Variants in EXOC6 observed in about 807,000 individuals in gnomAD.
EXOC6 encodes the protein exocyst complex component 6.
In EXOC6, 60 loss-of-function variants were observed where a neutral mutation model predicts 112.5. The ratio of observed to expected loss-of-function variants is 0.53; its 90% CI spans 0.43 to 0.66. The LOEUF (loss-of-function observed/expected upper bound fraction) is 0.66, where lower values mean the gene tolerates loss of function less well. Ranked by LOEUF, EXOC6 falls within the 30% of genes least tolerant of loss-of-function variation. The probability of loss-of-function intolerance (pLI) is 0.00; values close to 1 mark genes in which losing one functional copy is unlikely to be tolerated. For missense variants in EXOC6, 855 were observed against 957.1 expected, an observed-to-expected ratio of 0.89 and a Z score of 1.41; for synonymous variants, 295 against 308.0, an observed-to-expected ratio of 0.96 and a Z score of 0.44.
intron 12 of EXOC6, among the ~76,000 whole-genome samples, chr10:92,936,454 A>T (rs533392777): frequency 6.6e-6 from 1 of 152,356 alleles, no homozygotes; most frequent in South Asian, 2.1e-4. Flanking sequence ...GTGTTCTATG[A>T]GCAAATCACT....
intron 8 of EXOC6, among the ~76,000 whole-genome samples, chr10:92,920,751 A>G (rs1421853254): frequency 6.6e-6 from 1 of 151,900 alleles, no homozygotes; most frequent in African/African-American, 2.4e-5. Context: ...TTTTTTATTC[A>G]TGTATTTTTA....
chr10:93,028,843 A>AG (rs921876436), intron 20 of EXOC6, among the ~76,000 whole-genome samples: 4 of 151,942 alleles, frequency 2.6e-5, no homozygotes, highest in Non-Finnish European at 5.9e-5. Flanking sequence ...TCAAAAAAAA[A>AG]AAAAAAAAAA....
At chr10:93,030,261 G>T (rs835266) in intron 20 of EXOC6, among the ~76,000 whole-genome samples, 148,467 of 150,854 alleles carry the variant, frequency 0.98, 73,063 homozygotes, top group East Asian at 1. Context: ...CAGGCTAGTC[G>T]CAGACTCCTG....
intron 20 of EXOC6, among the ~76,000 whole-genome samples, chr10:93,024,573 A>G (rs1331973112): frequency 1.3e-5 from 2 of 152,150 alleles, no homozygotes; most frequent in Non-Finnish European, 2.9e-5. Context: ...CTGGGATTAC[A>G]GGTGCACACC....
At chr10:92,909,660 ATTATTTAGTAAT>A (rs748661558) in intron 6 of EXOC6, 29 bp downstream of exon 6, 2 of 1,358,768 alleles carry the variant, frequency 1.5e-6, no homozygotes, top group Non-Finnish European at 2.1e-6. Context: ...TTGATTTAAT[ATTATTTAGTAAT>A]ACAGGATCTG....
rs752973568 is a variant in EXOC6, at chr10:92,959,093, A to AAAAAC, written c.1773+3393_1773+3397dup. On this transcript the variant is annotated intron_variant, in intron 17 of 21. Transcript: ENST00000260762. ...TGGCGGTAGAGTGAAACTCCGTCTC[A>AAAAAC]AAAACAAAACAAAACAAAGCTGTAG... is the stretch of plus-strand genomic sequence containing the variant. Among the ~76,000 whole-genome samples the AAAAAC allele has an allele frequency of 7.2e-5, 11 of 152,248 alleles. No homozygotes were observed. The South Asian group carries it at 2.1e-3, about 29-fold the overall frequency.
chr10:92,974,063 A>G lies in EXOC6; in HGVS notation c.1784A>G (p.His595Arg), dbSNP rs759168667. ...TTTGTCCCATGTCAGGATGCTCGAC[A>G]TGCAGCAGAAGGAGAAATATATACC... is the stretch of plus-strand genomic sequence containing the variant. ...YGLSTFKDAR[H>R]AAEGEIYTKL... is the part of the protein sequence containing the mutation. Residue 595 changes from histidine to arginine, a missense_variant, in exon 18 of 22, where the codon CAT becomes CGT. His to Arg is a conservative substitution (Grantham distance 29, BLOSUM62 0). Coordinates refer to ENST00000260762, the MANE Select transcript of EXOC6 (RefSeq NM_019053.6). 6.3e-7 allele frequency: 1 copy of G among 1,589,892 alleles called. No homozygotes were observed. Among genetic ancestry groups the G allele is most frequent in the East Asian group, 2.3e-5 (1 of 44,040 alleles).
At chr10:92,852,989 A>T (rs2260666) in intron 1 of EXOC6, among the ~76,000 whole-genome samples, 147,812 of 152,272 alleles carry the variant, frequency 0.97, 71,764 homozygotes, top group East Asian at 1. Flanking sequence ...TGTGTGATCA[A>T]CTATTATAGA....
At chr10:92,874,107 A>G (rs139193471) in intron 1 of EXOC6, among the ~76,000 whole-genome samples, 4 of 151,980 alleles carry the variant, frequency 2.6e-5, no homozygotes, top group African/African-American at 9.7e-5. Flanking sequence ...TTCTATGTAT[A>G]TACATTTTTT....
At chr10:92,846,372 C>A (rs1847053342), upstream of EXOC6, among the ~76,000 whole-genome samples, 1 of 152,194 alleles carries the variant, frequency 6.6e-6, no homozygotes. Context: ...GCCCTGCTCT[C>A]CTCATTTTGC....
chr10:92,899,372 T>C (rs1205906843), intron 4 of EXOC6, among the ~76,000 whole-genome samples: 1 of 152,170 alleles, frequency 6.6e-6, no homozygotes, highest in Non-Finnish European at 1.5e-5. Context: ...TACATTTATA[T>C]GTATATATGT....
chr10:92,947,995 A>G (rs1017349003), intron 13 of EXOC6, among the ~76,000 whole-genome samples: 7 of 152,190 alleles, frequency 4.6e-5, no homozygotes, highest in Admixed American at 4.6e-4. Flanking sequence ...TTCAGAATAT[A>G]TCACCTTGAG....
chr10:92,915,367 C>A (rs1851018731), intron 6 of EXOC6, among the ~76,000 whole-genome samples: 1 of 150,606 alleles, frequency 6.6e-6, no homozygotes, highest in Non-Finnish European at 1.5e-5. Flanking sequence ...ATGGCAAAAC[C>A]CCATTTTACA....
chr10:93,054,798 C>A (rs1392425469), intron 20 of EXOC6, among the ~76,000 whole-genome samples: 1 of 152,214 alleles, frequency 6.6e-6, no homozygotes, highest in Non-Finnish European at 1.5e-5. Context: ...TGCAAATACA[C>A]ACATATACCT....
At chr10:92,918,415 TC>T (rs1166533660) in intron 7 of EXOC6, among the ~76,000 whole-genome samples, 14 of 127,746 alleles carry the variant, frequency 1.1e-4, no homozygotes, top group African/African-American at 3.9e-4. Context: ...TATGTGCATT[TC>T]TTTTTTTTTT....
At chr10:92,967,929 C>T (rs537454842) in intron 17 of EXOC6, among the ~76,000 whole-genome samples, 1 of 152,186 alleles carries the variant, frequency 6.6e-6, no homozygotes, top group South Asian at 2.1e-4. Context: ...TGTAGTGAGA[C>T]ATGAATGAGG....
At chr10:92,910,701 G>A (rs1589814388) in intron 6 of EXOC6, among the ~76,000 whole-genome samples, 2 of 152,096 alleles carry the variant, frequency 1.3e-5, no homozygotes, top group Admixed American at 6.5e-5. Flanking sequence ...GAGGCAAGGC[G>A]GGCAGATCAC....
At chr10:93,014,546 A>G (rs1332274167) in intron 20 of EXOC6, among the ~76,000 whole-genome samples, 1 of 152,218 alleles carries the variant, frequency 6.6e-6, no homozygotes, top group Non-Finnish European at 1.5e-5. Flanking sequence ...GTAGCTTGCT[A>G]TAATGACACT....
At chr10:93,030,134 C>T (rs1845206683) in intron 20 of EXOC6, among the ~76,000 whole-genome samples, 1 of 152,166 alleles carries the variant, frequency 6.6e-6, no homozygotes, top group African/African-American at 2.4e-5. Context: ...TTTCGAACTC[C>T]CAACCACAGG....
Sources: gnomAD v4.1 joint callset for allele counts (sites outside exome capture counted in the v4.1 genomes callset) on GRCh38, gnomAD v4.1.1 for gene constraint, MANE v1.5 for transcripts, NCBI Gene and HGNC (gene_info 2026-07-23, HGNC 2026-07-21) for gene names.